The following ERBB4 variants were observed in gnomAD, a reference collection of about 807,000 sequenced individuals.
The protein encoded by ERBB4 is erb-b2 receptor tyrosine kinase 4, also known as receptor tyrosine-protein kinase erbB-4.
In ERBB4, 42 loss-of-function variants were observed where a neutral mutation model predicts 158.0. The observed-to-expected ratio is 0.27, with a 90% CI of 0.21 to 0.34. ERBB4 has a LOEUF of 0.34. Among genes scored for constraint, ERBB4 ranks in the 10% least tolerant of loss-of-function variants. ERBB4 has a pLI of 1.00. For synonymous variants in ERBB4, 583 were observed against 558.7 expected, an observed-to-expected ratio of 1.04 and a Z score of -0.61; for missense variants, 1,333 against 1,624.1, an observed-to-expected ratio of 0.82 and a Z score of 3.08.
At chr2:212,397,884 C>A in intron 1 of ERBB4, among the ~76,000 whole-genome samples, 1 of 151,988 alleles carries the variant, frequency 6.6e-6, no homozygotes, top group Middle Eastern at 3.4e-3. Flanking sequence ...TTTATAATAT[C>A]TATAGTGTTG....
chr2:212,171,502 G>A (rs1359982035), intron 1 of ERBB4, among the ~76,000 whole-genome samples: 1 of 151,970 alleles, frequency 6.6e-6, no homozygotes, highest in Non-Finnish European at 1.5e-5. Context: ...AAGGGGCAAG[G>A]GGCAGAATGA....
At position 211,977,531 on chromosome 2, in the gene ERBB4, T is replaced by TAAAAA. The variant is rs370595284; in HGVS notation, c.235-29920_235-29916dup. Among the ~76,000 whole-genome samples, 63 of 67,616 alleles carry TAAAAA rather than the reference T, an allele frequency of 9.3e-4. 2 individuals are homozygous for TAAAAA. Among genetic ancestry groups the TAAAAA allele is most frequent in the South Asian group, 4.8e-3 (6 of 1,248 alleles). 44.4% of individuals were successfully genotyped at this position (67,616 alleles called of 152,430 possible). A position where few individuals can be genotyped will look rare whatever the true frequency, so the allele number is the denominator to read the frequency against. ...CCTTACTTTGTTAAGATATTGACTT[T>TAAAAA]AAAAAAAAAAAAAAAAAGTAACTTG... On this transcript the variant is annotated intron_variant, in intron 2 of 27. Transcript: ENST00000342788.
intron 2 of ERBB4, among the ~76,000 whole-genome samples, chr2:212,112,447 AT>A (rs142223467): frequency 0.029 from 4,209 of 147,580 alleles, 79 homozygotes; most frequent in Non-Finnish European, 0.046. Flanking sequence ...TTTTTATTTT[AT>A]TTTTTTTTTA....
intron 19 of ERBB4, among the ~76,000 whole-genome samples, chr2:211,583,536 AT>A (rs2068168661): frequency 6.6e-6 from 1 of 151,558 alleles, no homozygotes; most frequent in African/African-American, 2.4e-5. Flanking sequence ...TACTTTTTAA[AT>A]TTTTTGATAG....
chr2:212,204,814 A>T lies in ERBB4; in HGVS notation c.83-79911T>A, dbSNP rs532699228. Among the ~76,000 whole-genome samples the T allele has an allele frequency of 1.1e-4, 16 of 141,518 alleles. No individual in the cohort carries two copies. In the South Asian group the frequency reaches 3.5e-3, roughly 31 times the overall value. 92.8% of individuals were successfully genotyped at this position (141,518 alleles called of 152,430 possible). On this transcript the variant is annotated intron_variant, in intron 1 of 27. Transcript: ENST00000342788. Reference sequence around the variant, plus strand: ...TCCCAAAAGATATTATTTATATGAAAACTTTTTTTTTTTTTTTTTTTGAGA... The same window carrying T: ...TCCCAAAAGATATTATTTATATGAATACTTTTTTTTTTTTTTTTTTTGAGA...
intron 1 of ERBB4, among the ~76,000 whole-genome samples, chr2:212,530,154 G>C (rs888324313): frequency 2.7e-5 from 4 of 149,986 alleles, no homozygotes; most frequent in African/African-American, 9.9e-5. Flanking sequence ...GGAAGAAGAA[G>C]AATACCCATA....
At chr2:212,241,154 G>A (rs1409467872) in intron 1 of ERBB4, among the ~76,000 whole-genome samples, 2 of 152,098 alleles carry the variant, frequency 1.3e-5, no homozygotes, top group Admixed American at 1.3e-4. Flanking sequence ...CTCTTTGGGA[G>A]GTTGAGGCAG....
intron 1 of ERBB4, among the ~76,000 whole-genome samples, chr2:212,218,235 C>T (rs1521660): frequency 0.5 from 74,785 of 150,958 alleles, 18,911 homozygotes; most frequent in East Asian, 0.77. Context: ...CAGTTCTGTG[C>T]GGCCTTAATG....
At chr2:211,569,289 C>T (rs960985968) in intron 19 of ERBB4, among the ~76,000 whole-genome samples, 1 of 152,182 alleles carries the variant, frequency 6.6e-6, no homozygotes, top group Non-Finnish European at 1.5e-5. Flanking sequence ...TTCTTCCACT[C>T]CGGATTACAC....
chr2:212,347,485 T>C (rs371123411), intron 1 of ERBB4, among the ~76,000 whole-genome samples: 5 of 152,086 alleles, frequency 3.3e-5, no homozygotes. Context: ...ATAGAAATAG[T>C]GTGACTTTAT....
At chr2:212,121,388 T>G (rs530371073) in intron 2 of ERBB4, among the ~76,000 whole-genome samples, 19 of 152,290 alleles carry the variant, frequency 1.2e-4, no homozygotes, top group African/African-American at 3.9e-4. Context: ...AATTTTTGTA[T>G]TTTTAGTCGA....
At chr2:211,479,664 C>T (rs1356550875) in intron 20 of ERBB4, among the ~76,000 whole-genome samples, 1 of 152,100 alleles carries the variant, frequency 6.6e-6, no homozygotes, top group Non-Finnish European at 1.5e-5. Context: ...TAACAGAAGG[C>T]TTTCTTTTGG....
intron 16 of ERBB4, among the ~76,000 whole-genome samples, chr2:211,635,604 C>CA (rs751496281): frequency 1.1e-4 from 17 of 151,234 alleles, no homozygotes; most frequent in Non-Finnish European, 1.8e-4. Context: ...TGTCAGACCA[C>CA]AAAAAAAATG....
At chr2:211,939,170 T>C (rs1204561275) in intron 3 of ERBB4, among the ~76,000 whole-genome samples, 3 of 152,292 alleles carry the variant, frequency 2.0e-5, no homozygotes, top group Middle Eastern at 3.4e-3. Context: ...GATTGTTTAC[T>C]TTTTTCAGCC....
At chr2:212,288,298 C>T (rs950649341) in intron 1 of ERBB4, among the ~76,000 whole-genome samples, 2 of 152,048 alleles carry the variant, frequency 1.3e-5, no homozygotes, top group South Asian at 4.1e-4. Context: ...GGGACAATGG[C>T]AAAAGGAGAA....
chr2:212,319,774 A>T (rs936273065), intron 1 of ERBB4, among the ~76,000 whole-genome samples: 2 of 150,340 alleles, frequency 1.3e-5, no homozygotes, highest in East Asian at 3.9e-4. Context: ...GTTAGTAAGC[A>T]ATTAGAATGT....
intron 1 of ERBB4, among the ~76,000 whole-genome samples, chr2:212,205,130 GAGACAGACAGAC>G (rs562881556): frequency 2.0e-5 from 3 of 151,916 alleles, no homozygotes; most frequent in South Asian, 4.2e-4. Context: ...CTTCCAGACA[GAGACAGACAGAC>G]AGACAGACAG....
At chr2:211,864,422 C>T (rs2078151559) in intron 3 of ERBB4, among the ~76,000 whole-genome samples, 1 of 152,170 alleles carries the variant, frequency 6.6e-6, no homozygotes, top group African/African-American at 2.4e-5. Flanking sequence ...TAACTCCAGG[C>T]TGCTTCAGGC....
chr2:212,023,109 A>G (rs934945085), intron 2 of ERBB4, among the ~76,000 whole-genome samples: 2 of 152,116 alleles, frequency 1.3e-5, no homozygotes, highest in Non-Finnish European at 2.9e-5. Context: ...GAGTATAGAG[A>G]AAAGTATGAG....
Sources: gnomAD v4.1 joint callset for allele counts (sites outside exome capture counted in the v4.1 genomes callset) on GRCh38, gnomAD v4.1.1 for gene constraint, MANE v1.5 for transcripts, NCBI Gene and HGNC (gene_info 2026-07-23, HGNC 2026-07-21) for gene names.